Variants in MID1 observed in about 807,000 individuals in gnomAD.
MID1 encodes the protein E3 ubiquitin-protein ligase Midline-1.
MID1 carries 7 observed loss-of-function variants against 40.4 expected under a neutral mutation model. That is an observed-to-expected ratio of 0.17 (90% CI 0.10 to 0.33). The LOEUF (loss-of-function observed/expected upper bound fraction) is 0.33. Ranked by LOEUF, MID1 falls within the 10% of genes least tolerant of loss-of-function variation. MID1 has a pLI of 1.00. For missense variants in MID1, 367 were observed against 558.5 expected, an observed-to-expected ratio of 0.66 and a Z score of 3.46; for synonymous variants, 229 against 221.2, an observed-to-expected ratio of 1.04 and a Z score of -0.31.
intron 7 of MID1, among the ~76,000 whole-genome samples, chrX:10,468,040 A>G (rs1268409346): frequency 9.0e-6 from 1 of 111,399 alleles, no homozygotes; most frequent in Non-Finnish European, 1.9e-5. Context: ...CCCCCAAGAC[A>G]TTTTTGTCCC....
intron 2 of MID1, among the ~76,000 whole-genome samples, chrX:10,528,347 A>G (rs891565803): frequency 2.7e-5 from 3 of 112,214 alleles, no homozygotes; most frequent in Non-Finnish European, 5.6e-5. Context: ...GGAATCTGAT[A>G]TGTTTTACAC....
chrX:10,716,308 C>T (rs187708213), intron 1 of MID1, among the ~76,000 whole-genome samples: 74 of 111,410 alleles, frequency 6.6e-4, no homozygotes, highest in East Asian at 1.4e-3. Flanking sequence ...AAAGATTAGA[C>T]GAATGGCTGA....
rs746824688 is a variant in MID1, at chrX:10,759,960, T to C, written c.-187+73594A>G. Among the ~76,000 whole-genome samples the C allele has an allele frequency of 1.5e-3, 173 of 112,242 alleles. 1 individual carries two copies. The highest frequency in any genetic ancestry group is 2.3e-3 in the Non-Finnish European group (121 of 53,243). ...ACTCCTGAGGACACTGATCTTCTCC[T>C]AGCGGACTCTCTCGCATAGTCGCTG... On this transcript the variant is annotated intron_variant, in intron 1 of 10. Transcript: ENST00000380785.
At chrX:10,656,680 G>C (rs1417623381) in intron 1 of MID1, among the ~76,000 whole-genome samples, 1 of 111,067 alleles carries the variant, frequency 9.0e-6, no homozygotes, top group Non-Finnish European at 1.9e-5. Flanking sequence ...GGTTAGAGCT[G>C]GGTCTGGGAA....
intron 1 of MID1, among the ~76,000 whole-genome samples, chrX:10,814,341 TAAC>T (rs1217442927): frequency 9.0e-6 from 1 of 111,682 alleles, no homozygotes; most frequent in Non-Finnish European, 1.9e-5. Context: ...TAAATCCTAT[TAAC>T]AACAATTTTT....
At chrX:10,712,554 C>T (rs2043276276) in intron 1 of MID1, among the ~76,000 whole-genome samples, 1 of 110,702 alleles carries the variant, frequency 9.0e-6, no homozygotes, top group Admixed American at 9.6e-5. Flanking sequence ...AAATACAAAC[C>T]CTGGAACCAA....
intron 1 of MID1, among the ~76,000 whole-genome samples, chrX:10,614,584 T>C (rs1347127029): frequency 8.9e-6 from 1 of 111,917 alleles, no homozygotes; most frequent in African/African-American, 3.3e-5. Flanking sequence ...TCCTGCCATG[T>C]GGTAGAGACC....
At chrX:10,785,054 T>G (rs942356668) in intron 1 of MID1, among the ~76,000 whole-genome samples, 3 of 111,225 alleles carry the variant, frequency 2.7e-5, no homozygotes, top group Non-Finnish European at 5.7e-5. Context: ...CATGATTGTA[T>G]ATCTAGAAAA....
chrX:10,671,281 A>T (rs931020540), intron 1 of MID1, among the ~76,000 whole-genome samples: 1 of 112,182 alleles, frequency 8.9e-6, no homozygotes, highest in Non-Finnish European at 1.9e-5. Flanking sequence ...TGGATTCTGG[A>T]ACCAGACTAC....
chrX:10,689,622 T>C lies in MID1; in HGVS notation c.-186-69203A>G, dbSNP rs189477463. ...ATATCCATATCTATACCTAAATCTC[T>C]ATCTGCCTGTCTAGTCTTTTTTTCT... On this transcript the variant is annotated intron_variant, in intron 1 of 10. Coordinates refer to the MID1 transcript ENST00000380785. 9.0e-5 allele frequency among the ~76,000 whole-genome samples: 10 copies of C among 111,648 alleles called. No individual in the cohort carries two copies. In the East Asian group the frequency reaches 2.5e-3, roughly 28 times the overall value.
intron 4 of MID1, among the ~76,000 whole-genome samples, chrX:10,490,445 G>T (rs1481033224): frequency 9.0e-6 from 1 of 111,169 alleles, no homozygotes; most frequent in Non-Finnish European, 1.9e-5. Context: ...AAATTGTTTG[G>T]TCTAAAAAGA....
intron 1 of MID1, among the ~76,000 whole-genome samples, chrX:10,794,999 G>C (rs1176380734): frequency 2.7e-5 from 3 of 111,520 alleles, no homozygotes; most frequent in Non-Finnish European, 5.6e-5. Flanking sequence ...TGACTCCAGA[G>C]CAGGATTTCT....
intron 1 of MID1, among the ~76,000 whole-genome samples, chrX:10,766,627 G>C (rs974582): frequency 0.06 from 6,654 of 111,771 alleles, 199 homozygotes; most frequent in Non-Finnish European, 0.094. Flanking sequence ...TCAGATTAAA[G>C]AACTGGGTAG....
intron 1 of MID1, among the ~76,000 whole-genome samples, chrX:10,814,576 GGTGTGTGT>G (rs60218622): frequency 2.0e-5 from 2 of 101,981 alleles, no homozygotes; most frequent in African/African-American, 7.2e-5. Context: ...TGCTTGTACT[GGTGTGTGT>G]GTGTGTGTGT....
At chrX:10,609,857 A>G in intron 1 of MID1, among the ~76,000 whole-genome samples, 1 of 108,959 alleles carries the variant, frequency 9.2e-6, no homozygotes, top group Non-Finnish European at 1.9e-5. Context: ...AGCTGGGACT[A>G]CAGGCGCCCG....
At chrX:10,744,308 C>T (rs1364086632) in intron 1 of MID1, among the ~76,000 whole-genome samples, 2 of 112,122 alleles carry the variant, frequency 1.8e-5, no homozygotes, top group African/African-American at 3.2e-5. Context: ...AAAAGGCATG[C>T]TTTGTGTTAT....
At chrX:10,726,982 G>A (rs1265115127) in intron 1 of MID1, among the ~76,000 whole-genome samples, 1 of 113,077 alleles carries the variant, frequency 8.8e-6, no homozygotes, top group Non-Finnish European at 1.9e-5. Context: ...CTACTTTCTT[G>A]ATTCAGATGG....
At chrX:10,814,147 A>G (rs1286202316) in intron 1 of MID1, among the ~76,000 whole-genome samples, 2 of 111,837 alleles carry the variant, frequency 1.8e-5, no homozygotes, top group Non-Finnish European at 3.8e-5. Context: ...GCCATACAAA[A>G]GAGGTGGGCA....
intron 3 of MID1, among the ~76,000 whole-genome samples, chrX:10,501,032 C>T (rs1006241256): frequency 3.6e-5 from 4 of 111,786 alleles, no homozygotes; most frequent in African/African-American, 9.8e-5. Flanking sequence ...CCTTCCTGGC[C>T]GGGCGCGGTG....
Sources: gnomAD v4.1 joint callset for allele counts (sites outside exome capture counted in the v4.1 genomes callset) on GRCh38, gnomAD v4.1.1 for gene constraint, MANE v1.5 for transcripts, NCBI Gene and HGNC (gene_info 2026-07-23, HGNC 2026-07-21) for gene names.